TUB: variants seen among roughly 807,000 people sequenced by gnomAD.
TUB encodes the protein TUB bipartite transcription factor.
TUB carries 33 observed loss-of-function variants against 59.7 expected under a neutral mutation model. The observed-to-expected ratio is 0.55, with a 90% confidence interval of 0.42 to 0.74. The LOEUF (loss-of-function observed/expected upper bound fraction) is 0.74. Among genes scored for constraint, TUB ranks in the 30% least tolerant of loss-of-function variants. The probability of loss-of-function intolerance (pLI) is 0.00; values close to 1 mark genes in which losing one functional copy is unlikely to be tolerated. For missense variants in TUB, 659 were observed against 672.0 expected (o/e 0.98, Z 0.21); for synonymous variants, 293 against 256.4 (o/e 1.14, Z -1.36).
intron 2 of TUB, among the ~76,000 whole-genome samples, chr11:8,042,359 T>G (rs989591600): frequency 6.6e-6 from 1 of 152,236 alleles, no homozygotes; most frequent in South Asian, 2.1e-4. Flanking sequence ...ATACCACATT[T>G]TCTTTATCTA....
At chr11:8,024,000 T>A (rs1942467665) in intron 1 of TUB, among the ~76,000 whole-genome samples, 1 of 152,206 alleles carries the variant, frequency 6.6e-6, no homozygotes, top group Non-Finnish European at 1.5e-5. Flanking sequence ...TCCTAGATGA[T>A]GACAGCTGGA....
At chr11:8,032,386 C>T (rs1942586907) in intron 1 of TUB, among the ~76,000 whole-genome samples, 1 of 152,190 alleles carries the variant, frequency 6.6e-6, no homozygotes, top group South Asian at 2.1e-4. Flanking sequence ...CTGTGGCCTC[C>T]ATGATCAGCA....
At chr11:8,024,298 A>G (rs1942471509) in intron 1 of TUB, among the ~76,000 whole-genome samples, 1 of 152,220 alleles carries the variant, frequency 6.6e-6, no homozygotes, top group South Asian at 2.1e-4. Context: ...TCCTACAACA[A>G]AAATGACTTG....
At chr11:8,045,712 G>A (rs1201223690) in intron 2 of TUB, among the ~76,000 whole-genome samples, 1 of 152,200 alleles carries the variant, frequency 6.6e-6, no homozygotes, top group African/African-American at 2.4e-5. Context: ...AGGCATTTTG[G>A]ATAAGGGATA....
At chr11:8,091,483 G>T (rs1195853122) in intron 3 of TUB, among the ~76,000 whole-genome samples, 1 of 152,180 alleles carries the variant, frequency 6.6e-6, no homozygotes, top group Non-Finnish European at 1.5e-5. Context: ...CATCAGTAAG[G>T]ATGTGGGCTC....
rs1478056653 is a variant in TUB at position 8,091,091 on chromosome 11, G to C, written c.253+860G>C. Among the ~76,000 whole-genome samples the C allele has an allele frequency of 2.0e-5, 3 of 152,144 alleles. No homozygotes were observed. In the South Asian group the frequency reaches 6.2e-4, roughly 32 times the overall value. On this transcript the variant is annotated intron_variant, in intron 3 of 11. Coordinates refer to ENST00000299506, the MANE Select transcript of TUB (RefSeq NM_177972.3). ...GGTGCTCCCCTCCTTCTGTGGCTTC[G>C]TTATGACCTGGAGCCTCCAGATACA...
At chr11:8,101,400 T>G in intron 11 of TUB, 86 bp from the exon 12 acceptor site, 3 of 1,523,058 alleles carry the variant, frequency 2.0e-6, no homozygotes, top group Non-Finnish European at 2.7e-6. Flanking sequence ...TCTTCCCTCA[T>G]GTGGTTTGGG....
chr11:8,065,189 G>C (rs1943214377), intron 2 of TUB, among the ~76,000 whole-genome samples: 1 of 152,206 alleles, frequency 6.6e-6, no homozygotes, highest in Admixed American at 6.5e-5. Context: ...AGGCTAAGGA[G>C]GAAGTGTGCA....
In TUB at chr11:8,028,656, C is replaced by G. The variant is rs73414934; in HGVS notation, c.56+9298C>G. On this transcript the variant is annotated intron_variant, in intron 1 of 11. Coordinates refer to the TUB transcript ENST00000534099. Reference sequence around the variant, plus strand: ...TTTGCATGAAAGAAAATCCAGTTGTCTCAGCACTATTTGTTTCTACTTTTT... The same window carrying G: ...TTTGCATGAAAGAAAATCCAGTTGTGTCAGCACTATTTGTTTCTACTTTTT... Among the ~76,000 whole-genome samples, 373 of 152,276 alleles carry G rather than the reference C, an allele frequency of 2.4e-3. 2 individuals are homozygous for G. The highest frequency in any genetic ancestry group is 8.5e-3 in the African/African-American group (352 of 41,546).
intron 1 of TUB, among the ~76,000 whole-genome samples, chr11:8,086,099 A>G (rs931704554): frequency 6.6e-6 from 1 of 152,158 alleles, no homozygotes; most frequent in Admixed American, 6.5e-5. Flanking sequence ...CCCGTGATGT[A>G]GGAGACTCCA....
chr11:8,024,932 TA>T (rs368353345), intron 1 of TUB, among the ~76,000 whole-genome samples: 3 of 152,356 alleles, frequency 2.0e-5, no homozygotes, highest in African/African-American at 7.2e-5. Flanking sequence ...CCCAGGTCCT[TA>T]AATTATTGCT....
upstream of TUB, chr11:8,077,299 A>G (rs1303697076): frequency 6.6e-6 from 1 of 152,208 alleles, no homozygotes; most frequent in Non-Finnish European, 1.5e-5. Context: ...AAATTATAGG[A>G]TAATTGCAAA....
chr11:8,084,377 T>G (rs1230028290), intron 1 of TUB, among the ~76,000 whole-genome samples: 1 of 152,246 alleles, frequency 6.6e-6, no homozygotes, highest in Admixed American at 6.5e-5. Context: ...TTTTTGTCTT[T>G]TGTTTCTGTT....
At position 8,100,858 on chromosome 11, in the gene TUB, TAAG is replaced by T. The variant is rs1276892422; in HGVS notation, c.1251_1253del (p.Lys417del). The T allele has an allele frequency of 1.7e-5, 28 of 1,614,054 alleles. No individual in the cohort carries two copies. The highest frequency in any genetic ancestry group is 2.4e-5 in the Non-Finnish European group (28 of 1,180,044). ...AGACACTGCTAGCACGCTGGCAGAA[TAAG>T]AACACGGAGAGTATCATCGAGCTGC... On this transcript the variant is annotated inframe_deletion, in exon 11 of 12. Coordinates refer to ENST00000299506, the MANE Select transcript of TUB (RefSeq NM_177972.3).
At chr11:8,099,873 A>G (rs114279571) in intron 9 of TUB, among the ~76,000 whole-genome samples, 176 of 152,312 alleles carry the variant, frequency 1.2e-3, no homozygotes, top group African/African-American at 4.1e-3. Flanking sequence ...GGCATGAAGA[A>G]GGAATGGAGT....
At chr11:8,063,051 G>T (rs72848428) in intron 2 of TUB, among the ~76,000 whole-genome samples, 1 of 152,200 alleles carries the variant, frequency 6.6e-6, no homozygotes, top group Non-Finnish European at 1.5e-5. Context: ...CAGGGCCAGG[G>T]ACTGCCCCAT....
intron 4 of TUB, among the ~76,000 whole-genome samples, chr11:8,094,982 G>A (rs1236363279): frequency 6.6e-6 from 1 of 152,254 alleles, no homozygotes; most frequent in Non-Finnish European, 1.5e-5. Flanking sequence ...GACGTAGGAT[G>A]GGAGATGCTC....
rs1275946766 is a variant in TUB at position 8,105,193 on chromosome 11, C to T, written c.*3574C>T. The T allele has an allele frequency of 6.6e-6, 1 of 152,224 alleles. No individual in the cohort carries two copies. The highest frequency in any genetic ancestry group is 6.5e-5 in the Admixed American group (1 of 15,288). The allele number at this position is 152,224 out of a possible 1,614,324, so 9.4% of individuals were successfully genotyped here. A position where few individuals can be genotyped will look rare whatever the true frequency, so the allele number is the denominator to read the frequency against. On this transcript the variant is annotated 3_prime_UTR_variant, in exon 12 of 12. Coordinates refer to ENST00000299506, the MANE Select transcript of TUB (RefSeq NM_177972.3). ...TGCAGTAACACTGGCCTTCCCTTCT[C>T]TAATTCCTTACCCCAGCTGCGGCAT...
intron 2 of TUB, among the ~76,000 whole-genome samples, chr11:8,041,668 G>A (rs1206075486): frequency 6.6e-6 from 1 of 152,046 alleles, no homozygotes; most frequent in African/African-American, 2.4e-5. Flanking sequence ...TCAGGCCCCT[G>A]AGCCCTAGTT....
Sources: gnomAD v4.1 joint callset for allele counts (sites outside exome capture counted in the v4.1 genomes callset) on GRCh38, gnomAD v4.1.1 for gene constraint, MANE v1.5 for transcripts, NCBI Gene and HGNC (gene_info 2026-07-23, HGNC 2026-07-21) for gene names.